Variants in NEK1 observed in about 807,000 individuals in gnomAD.
NEK1 encodes NIMA related kinase 1, also known as serine/threonine-protein kinase Nek1.
In NEK1, 137 loss-of-function variants were observed where a neutral mutation model predicts 182.1. The ratio of observed to expected loss-of-function variants is 0.75; its 90% CI spans 0.65 to 0.87. The LOEUF (loss-of-function observed/expected upper bound fraction) is 0.87, where lower values mean the gene tolerates loss of function less well. NEK1 is among the 40% of genes least tolerant of loss of function. The pLI is 0.00. For synonymous variants in NEK1, 513 were observed against 492.2 expected, an observed-to-expected ratio of 1.04 and a Z score of -0.56; for missense variants, 1,391 against 1,494.4, an observed-to-expected ratio of 0.93 and a Z score of 1.14.
intron 21 of NEK1, 54 bp from the exon 22 acceptor site, chr4:169,507,846 G>T: frequency 8.0e-7 from 1 of 1,255,266 alleles, no homozygotes. Context: ...CAAATTGAGT[G>T]CAGAGCTCTG....
chr4:169,406,720 G>T lies in NEK1; in HGVS notation c.3250C>A (p.Leu1084Ile), dbSNP rs1732694312. ...KMLRTCSLPD[L>I]SKLFRTLMDV... is the part of the protein sequence containing the mutation. ...ATAAGGGTTCTGAACAGCTTTGAGA[G>T]ATCTGGAAGTGAACATGTCCTTAAC... The change falls in exon 32 of 36, where the codon CTC becomes ATC. Residue 1084 changes from leucine to isoleucine, a missense_variant. By Grantham distance (5) the Leu-to-Ile change is conservative. Transcript: ENST00000507142. The T allele has an allele frequency of 6.2e-7, 1 of 1,600,450 alleles. No individual in the cohort carries two copies. Among genetic ancestry groups the T allele is most frequent in the African/African-American group, 1.3e-5 (1 of 74,378 alleles).
At chr4:169,578,044 A>G (rs1313341828) in intron 11 of NEK1, among the ~76,000 whole-genome samples, 2 of 152,162 alleles carry the variant, frequency 1.3e-5, no homozygotes, top group African/African-American at 2.4e-5. Flanking sequence ...TATATTAAGA[A>G]TATTATTTAT....
intron 5 of NEK1, among the ~76,000 whole-genome samples, chr4:169,597,461 T>A (rs1469469276): frequency 1.3e-5 from 2 of 151,134 alleles, no homozygotes; most frequent in African/African-American, 2.4e-5. Flanking sequence ...AAAAAAAAAA[T>A]AATAATAAAA....
intron 35 of NEK1, 111 bp from the exon 36 acceptor site, chr4:169,394,634 C>A (rs537606969): frequency 1.7e-6 from 1 of 581,876 alleles, no homozygotes; most frequent in Middle Eastern, 4.2e-4. Context: ...TAGTTTTAAA[C>A]ATACTTTTAA....
chr4:169,470,020 T>C (rs1745658627), intron 26 of NEK1, among the ~76,000 whole-genome samples: 1 of 151,782 alleles, frequency 6.6e-6, no homozygotes. Context: ...CCTATGTGTG[T>C]CCTTGAATAT....
intron 12 of NEK1, among the ~76,000 whole-genome samples, chr4:169,564,094 A>C (rs1255437780): frequency 6.6e-6 from 1 of 152,156 alleles, no homozygotes; most frequent in Non-Finnish European, 1.5e-5. Context: ...GTTAAGCCTA[A>C]TGTATGATCA....
chr4:169,427,030 A>C (rs1161916362), intron 29 of NEK1, among the ~76,000 whole-genome samples: 6 of 152,222 alleles, frequency 3.9e-5, no homozygotes, highest in Admixed American at 6.5e-5. Context: ...AATATATTCC[A>C]AAAGTACCAG....
At chr4:169,561,293 C>T (rs761868254) in intron 16 of NEK1, among the ~76,000 whole-genome samples, 187 bp downstream of exon 16, 2 of 152,074 alleles carry the variant, frequency 1.3e-5, no homozygotes, top group Non-Finnish European at 2.9e-5. Flanking sequence ...CACATAACAG[C>T]AACACAAGTT....
intron 5 of NEK1, among the ~76,000 whole-genome samples, chr4:169,595,880 G>A (rs753184502): frequency 2.4e-5 from 3 of 127,060 alleles, no homozygotes; most frequent in Non-Finnish European, 4.6e-5. Context: ...CCGAGATCAC[G>A]CAACAGCACT....
At chr4:169,611,039 T>C (rs1476507054) in intron 2 of NEK1, among the ~76,000 whole-genome samples, 2 of 152,242 alleles carry the variant, frequency 1.3e-5, no homozygotes, top group African/African-American at 4.8e-5. Flanking sequence ...TGTAAGTCTA[T>C]TCAGACAATA....
At chr4:169,539,353 A>G (rs1759020529) in intron 18 of NEK1, among the ~76,000 whole-genome samples, 1 of 152,220 alleles carries the variant, frequency 6.6e-6, no homozygotes, top group Non-Finnish European at 1.5e-5. Flanking sequence ...CTACTTTGCT[A>G]TATAGCCCCA....
chr4:169,438,037 T>A lies in NEK1; in HGVS notation c.2764+46A>T, dbSNP rs968484259. The A allele has an allele frequency of 2.1e-6, 3 of 1,450,122 alleles. No individual in the cohort carries two copies. In the East Asian group the frequency reaches 7.0e-5, roughly 34 times the overall value. 89.8% of individuals were successfully genotyped at this position (1,450,122 alleles called of 1,614,324 possible). A position where few individuals can be genotyped will look rare whatever the true frequency, so the allele number is the denominator to read the frequency against. On this transcript the variant is annotated intron_variant, in intron 28 of 35. Transcript: ENST00000507142. ...GTTTATAAAGCTTGTGAAATTTAAG[T>A]TTTTACTAAATCAAATATAGCTCAT...
At chr4:169,544,611 T>C (rs1222857134) in intron 18 of NEK1, among the ~76,000 whole-genome samples, 1 of 146,442 alleles carries the variant, frequency 6.8e-6, no homozygotes, top group East Asian at 2.0e-4. Context: ...TTTTTTTTTT[T>C]TTTTTTTTTT....
intron 12 of NEK1, among the ~76,000 whole-genome samples, chr4:169,571,551 C>G (rs1764853192): frequency 6.6e-6 from 1 of 152,176 alleles, no homozygotes; most frequent in Non-Finnish European, 1.5e-5. Flanking sequence ...GTTTTGAGCA[C>G]AGACCTCAAA....
At chr4:169,576,481 A>G (rs1765706312) in intron 12 of NEK1, 1 of 154,750 alleles carries the variant, frequency 6.5e-6, no homozygotes, top group African/African-American at 2.4e-5. Flanking sequence ...CATGTCGCTT[A>G]AATTCTACAG....
chr4:169,563,156 T>C (rs773278106), intron 12 of NEK1, among the ~76,000 whole-genome samples: 10 of 152,066 alleles, frequency 6.6e-5, no homozygotes, highest in Non-Finnish European at 1.5e-4. Flanking sequence ...GCCTAGGAGT[T>C]TGAGACCAGC....
At chr4:169,586,638 C>G (rs917540208) in intron 9 of NEK1, among the ~76,000 whole-genome samples, 1 of 151,868 alleles carries the variant, frequency 6.6e-6, no homozygotes, top group East Asian at 1.9e-4. Context: ...TGCAGAAAAA[C>G]TGATCAATTA....
At position 169,548,753 on chromosome 4, in the gene NEK1, G is replaced by A. The variant is rs72692922; in HGVS notation, c.1562+6967C>T. On this transcript the variant is annotated intron_variant, in intron 18 of 35. Coordinates refer to ENST00000507142, the MANE Select transcript of NEK1 (RefSeq NM_001199397.3). ...TCCTCCCAGTTCAAACTTCCCAGTG[G>A]CTTTGTTTACACCATGAGGGTAAAA... 3.6e-3 allele frequency among the ~76,000 whole-genome samples: 543 copies of A among 152,340 alleles called. 3 individuals are homozygous for A. Among genetic ancestry groups the A allele is most frequent in the South Asian group, 0.022 (105 of 4,830 alleles).
chr4:169,480,135 G>A (rs1222350837), intron 23 of NEK1, among the ~76,000 whole-genome samples: 2 of 152,138 alleles, frequency 1.3e-5, no homozygotes, highest in African/African-American at 4.8e-5. Flanking sequence ...TATGACAATA[G>A]TAACACAGCA....
Sources: gnomAD v4.1 joint callset for allele counts (sites outside exome capture counted in the v4.1 genomes callset) on GRCh38, gnomAD v4.1.1 for gene constraint, MANE v1.5 for transcripts, NCBI Gene and HGNC (gene_info 2026-07-23, HGNC 2026-07-21) for gene names.